The following SCAI variants were observed in gnomAD, a reference collection of about 807,000 sequenced individuals.
SCAI encodes the protein protein SCAI.
SCAI carries 24 observed loss-of-function variants against 92.2 expected under a neutral mutation model. That is an observed-to-expected ratio of 0.26 (90% CI 0.19 to 0.37). The LOEUF is 0.37. Among genes scored for constraint, SCAI ranks in the 10% least tolerant of loss-of-function variants. The pLI is 1.00. For missense variants in SCAI, 450 were observed against 736.2 expected, an observed-to-expected ratio of 0.61 and a Z score of 4.50; for synonymous variants, 261 against 258.6, an observed-to-expected ratio of 1.01 and a Z score of -0.09.
At chr9:125,035,470 G>A (rs1347873448) in intron 3 of SCAI, among the ~76,000 whole-genome samples, 1 of 152,170 alleles carries the variant, frequency 6.6e-6, no homozygotes, top group African/African-American at 2.4e-5. Context: ...CCATCAATAT[G>A]GTGTATGGAT....
intron 3 of SCAI, among the ~76,000 whole-genome samples, chr9:125,032,616 CT>C (rs35384919): frequency 0.038 from 5,027 of 130,902 alleles, 204 homozygotes; most frequent in East Asian, 0.23. Flanking sequence ...TAATATTATG[CT>C]TTTTTTTTTT....
Position 125,003,197 on chromosome 9 carries a change from T to A in SCAI, c.982A>T (p.Thr328Ser), listed in dbSNP as rs371292629. The part of the protein sequence containing the change: ...PGMQESADKP[T>S]RRENPHKYLL... The stretch of plus-strand genomic sequence containing the variant: ...TACTTGTGGGGGTTTTCTCGTCTAG[T>A]AGGCTTGTCAGCTGATTCCTATATT... The change falls in exon 11 of 18, where the codon ACT becomes TCT. Residue 328 changes from threonine (T) to serine (S), a missense_variant. Thr to Ser is a moderately conservative substitution (Grantham distance 58). Around this residue, in one of 3 missense-constraint regions of SCAI, gnomAD observed 360 missense variants for 601.8 expected, o/e 0.60. Transcript: ENST00000336505. The A allele has an allele frequency of 1.2e-6, 2 of 1,613,380 alleles. No homozygotes were observed.
intron 3 of SCAI, among the ~76,000 whole-genome samples, chr9:125,040,461 T>A (rs1484466949): frequency 6.6e-6 from 1 of 152,234 alleles, no homozygotes; most frequent in Non-Finnish European, 1.5e-5. Context: ...AAACTACATA[T>A]AATGTCCTGC....
At chr9:125,029,790 G>C in intron 3 of SCAI, 51 bp from the exon 4 acceptor site, 1 of 1,098,672 alleles carries the variant, frequency 9.1e-7, no homozygotes, top group African/African-American at 1.6e-5. Context: ...ATTCTATTTG[G>C]AAATTATGTC....
chr9:124,948,506 T>G lies in SCAI; in HGVS notation c.*4301A>C, dbSNP rs1474957270. On this transcript the variant is annotated 3_prime_UTR_variant, in exon 18 of 18. Coordinates refer to ENST00000336505, the MANE Select transcript of SCAI (RefSeq NM_001144877.3). ...ATCCCTAATTATTCTTTCTTGTTCA[T>G]TATAGAAAGCAGTCTGAGCTACTGA... 6.6e-6 allele frequency: 1 copy of G among 151,794 alleles called. No homozygotes were observed. The highest frequency in any genetic ancestry group is 1.5e-5 in the Non-Finnish European group (1 of 68,032). 9.4% of individuals were successfully genotyped at this position (151,794 alleles called of 1,614,324 possible). A position where few individuals can be genotyped will look rare whatever the true frequency, so the allele number is the denominator to read the frequency against.
intron 6 of SCAI, among the ~76,000 whole-genome samples, chr9:125,021,935 C>T (rs562234838): frequency 1.7e-4 from 26 of 152,088 alleles, no homozygotes; most frequent in Admixed American, 4.6e-4. Flanking sequence ...TTAATGAAAT[C>T]GTACCATGGT....
chr9:125,028,376 T>C lies in SCAI; in HGVS notation c.413+16A>G, dbSNP rs564752901. On this transcript the variant is annotated intron_variant, in intron 5 of 17. Coordinates refer to ENST00000336505, the MANE Select transcript of SCAI (RefSeq NM_001144877.3). ...ATCAGACAACACTTTACTCTTTCCA[T>C]GTGTAATTTACTTACTAATAATGAT... 1.2e-4 allele frequency: 163 copies of C among 1,378,940 alleles called. 2 individuals carry two copies. In the South Asian group the frequency reaches 1.8e-3, roughly 15 times the overall value. The allele number at this position is 1,378,940 out of a possible 1,614,324, so 85.4% of individuals were successfully genotyped here.
intron 2 of SCAI, among the ~76,000 whole-genome samples, chr9:125,139,588 T>C (rs1050488409): frequency 2.0e-5 from 3 of 152,220 alleles, no homozygotes; most frequent in African/African-American, 4.8e-5. Flanking sequence ...AGTTCCATCA[T>C]TGAAAATCGA....
intron 3 of SCAI, among the ~76,000 whole-genome samples, chr9:125,033,733 T>C (rs1833131663): frequency 6.9e-6 from 1 of 145,230 alleles, no homozygotes; most frequent in Non-Finnish European, 1.5e-5. Context: ...TTGTAAGATA[T>C]CTGAATATCC....
At chr9:124,983,137 G>C (rs114992177) in intron 14 of SCAI, among the ~76,000 whole-genome samples, 4,334 of 150,322 alleles carry the variant, frequency 0.029, 219 homozygotes, top group African/African-American at 0.097. Context: ...CTCCAGCCTG[G>C]GTGACAGAAT....
chr9:125,130,936 CTTTTTTTTTTTT>C (rs545651994), intron 2 of SCAI, among the ~76,000 whole-genome samples: 27 of 77,292 alleles, frequency 3.5e-4, no homozygotes, highest in African/African-American at 1.3e-3. Flanking sequence ...GTTTGAACCG[CTTTTTTTTTTTT>C]TTTTTTTTTT....
At chr9:125,005,460 T>G (rs1832484092) in intron 9 of SCAI, among the ~76,000 whole-genome samples, 1 of 152,144 alleles carries the variant, frequency 6.6e-6, no homozygotes, top group South Asian at 2.1e-4. Flanking sequence ...GCATCCTGAG[T>G]AGCTGGGATT....
At chr9:125,069,639 T>C (rs950523324) in intron 2 of SCAI, among the ~76,000 whole-genome samples, 2 of 140,464 alleles carry the variant, frequency 1.4e-5, no homozygotes, top group African/African-American at 5.7e-5. Context: ...TTTTTTTTTT[T>C]TGAGACGTCG....
At chr9:124,984,891 T>G (rs1312858350) in intron 14 of SCAI, among the ~76,000 whole-genome samples, 1 of 152,136 alleles carries the variant, frequency 6.6e-6, no homozygotes, top group Non-Finnish European at 1.5e-5. Context: ...CAAGGGCACT[T>G]CACTGATAAA....
chr9:125,064,984 T>C (rs1258033616), intron 2 of SCAI, among the ~76,000 whole-genome samples: 1 of 152,022 alleles, frequency 6.6e-6, no homozygotes, highest in Non-Finnish European at 1.5e-5. Flanking sequence ...AGCTTATAGA[T>C]ACAGATAATT....
intron 14 of SCAI, among the ~76,000 whole-genome samples, chr9:124,980,056 A>T (rs932002949): frequency 1.3e-5 from 2 of 151,972 alleles, no homozygotes; most frequent in Non-Finnish European, 2.9e-5. Context: ...TCTCAAAAAA[A>T]AAAAAAAAAA....
At chr9:125,052,892 C>T (rs1833590351) in intron 3 of SCAI, among the ~76,000 whole-genome samples, 1 of 151,154 alleles carries the variant, frequency 6.6e-6, no homozygotes, top group East Asian at 1.9e-4. Context: ...CATTTACATC[C>T]AGTAGCATGT....
At chr9:125,102,537 TA>T (rs1834698131) in intron 2 of SCAI, among the ~76,000 whole-genome samples, 1 of 152,002 alleles carries the variant, frequency 6.6e-6, no homozygotes, top group South Asian at 2.1e-4. Context: ...CCAGTAAGTT[TA>T]ACCTCTCCCT....
chr9:125,107,797 GCTCCCTCTCCCCTCTCCCCTCTCCAT>G (rs1474004861), intron 2 of SCAI, among the ~76,000 whole-genome samples: 2 of 151,964 alleles, frequency 1.3e-5, no homozygotes, highest in African/African-American at 2.4e-5. Flanking sequence ...GAGTAAATAA[GCTCCCTCTCCCCTCTCCCCTCTCCAT>G]CTCCCTCTCC....
Sources: allele counts gnomAD v4.1 joint callset (sites outside exome capture counted in the v4.1 genomes callset), GRCh38; gene constraint gnomAD v4.1.1; regional missense constraint gnomAD v4.1.1; transcripts MANE v1.5; gene names NCBI Gene and HGNC (gene_info 2026-07-23, HGNC 2026-07-21).